ABCA12: variants seen among roughly 807,000 people sequenced by gnomAD.
ABCA12 encodes glucosylceramide transporter ABCA12.
In ABCA12, 156 loss-of-function variants were observed where a neutral mutation model predicts 293.5. The ratio of observed to expected loss-of-function variants is 0.53; its 90% confidence interval spans 0.47 to 0.61. The LOEUF (loss-of-function observed/expected upper bound fraction) is 0.61, where lower values mean the gene tolerates loss of function less well. Ranked by LOEUF, ABCA12 falls within the 20% of genes least tolerant of loss-of-function variation. ABCA12 has a pLI of 0.00. For synonymous variants in ABCA12, 1,063 were observed against 1,108.0 expected, an observed-to-expected ratio of 0.96 and a Z score of 0.81; for missense variants, 2,797 against 3,090.2, an observed-to-expected ratio of 0.91 and a Z score of 2.25.
At chr2:215,114,179 A>T (rs1269174641) in intron 1 of ABCA12, among the ~76,000 whole-genome samples, 5 of 152,084 alleles carry the variant, frequency 3.3e-5, no homozygotes, top group South Asian at 2.1e-4. Context: ...CTCACCATGT[A>T]GGCCAGGATG....
At chr2:215,081,815 A>T (rs1324637997) in intron 2 of ABCA12, among the ~76,000 whole-genome samples, 1 of 152,174 alleles carries the variant, frequency 6.6e-6, no homozygotes, top group Non-Finnish European at 1.5e-5. Flanking sequence ...CCTGGAAGAC[A>T]AGATTGACAA....
At chr2:215,041,957 G>C (rs10171715) in intron 7 of ABCA12, among the ~76,000 whole-genome samples, 1 of 152,090 alleles carries the variant, frequency 6.6e-6, no homozygotes, top group Admixed American at 6.5e-5. Context: ...TCTTGTATGG[G>C]AAGTATCTAA....
rs745634049 is a variant in ABCA12 at position 214,970,260 on chromosome 2, CAG to C, written c.5690+11_5690+12del. The C allele has an allele frequency of 1.3e-5, 21 of 1,609,564 alleles. No homozygotes were observed. The highest frequency in any genetic ancestry group is 1.7e-5 in the Non-Finnish European group (20 of 1,178,016). On this transcript the variant is annotated intron_variant, in intron 37 of 52. Coordinates refer to ENST00000272895, the MANE Select transcript of ABCA12 (RefSeq NM_173076.3). ...AGCAAGCAATTAAATATGTTATAAA[CAG>C]ATTATTTTACCTTTTTTGGACAAAC...
chr2:215,070,630 C>A (rs1035699277), intron 2 of ABCA12, among the ~76,000 whole-genome samples: 2 of 143,760 alleles, frequency 1.4e-5, no homozygotes, highest in Admixed American at 7.3e-5. Context: ...TGAGAACATG[C>A]GGTGTTTGTT....
At chr2:214,942,886 A>T (rs1698451695) in intron 50 of ABCA12, 39 bp downstream of exon 50, 1 of 1,524,220 alleles carries the variant, frequency 6.6e-7, no homozygotes, top group South Asian at 1.1e-5. Context: ...TAGATAGATG[A>T]CCCAACACTA....
At chr2:215,090,072 G>C (rs574183670) in intron 2 of ABCA12, among the ~76,000 whole-genome samples, 10 of 152,150 alleles carry the variant, frequency 6.6e-5, no homozygotes, top group Non-Finnish European at 1.5e-4. Flanking sequence ...CCTTCTCCTG[G>C]CTCAGAAGCT....
Position 214,978,895 on chromosome 2 carries a change from CCT to C in ABCA12, c.4884_4885del (p.Ala1630LeufsTer14). ...TGCCCGTAGGAGTGACAGGTAGGCC[CCT>C]GAGACTTTGGTGCTGAATGGAGGAA... On this transcript the variant is annotated frameshift_variant, in exon 32 of 53. Transcript: ENST00000272895. LOFTEE classifies it high-confidence loss of function. 6.2e-7 allele frequency: 1 copy of C among 1,613,976 alleles called. No homozygotes were observed. Among genetic ancestry groups the C allele is most frequent in the Non-Finnish European group, 8.5e-7 (1 of 1,179,976 alleles).
At position 214,959,905 on chromosome 2, in the gene ABCA12, G is replaced by C. The variant is rs535807772; in HGVS notation, c.5885-827C>G. On this transcript the variant is annotated intron_variant, in intron 39 of 52. Transcript: ENST00000272895. ...AGGGTAAAGTGTGTACTGTCTGAGC[G>C]ACTGTGGAAAAGAGTGGTAGGGGAT... is the stretch of plus-strand genomic sequence containing the variant. Among the ~76,000 whole-genome samples, 4 of 152,234 alleles carry C rather than the reference G, an allele frequency of 2.6e-5. No individual in the cohort carries two copies. The South Asian group carries it at 6.2e-4, about 24-fold the overall frequency.
intron 17 of ABCA12, 113 bp from the exon 18 acceptor site, chr2:215,010,583 C>T (rs1403135406): frequency 1.7e-6 from 2 of 1,186,764 alleles, no homozygotes; most frequent in East Asian, 2.6e-5. Context: ...TGCTCTAGTA[C>T]TTCCTATATT....
chr2:215,074,234 G>A (rs949004995), intron 2 of ABCA12, among the ~76,000 whole-genome samples: 22 of 152,128 alleles, frequency 1.4e-4, no homozygotes, highest in Non-Finnish European at 3.2e-4. Flanking sequence ...AGGAAGAAAC[G>A]TCTTACATAA....
intron 16 of ABCA12, 106 bp downstream of exon 16, chr2:215,011,865 G>GTTT (rs539808382): frequency 6.8e-4 from 699 of 1,033,380 alleles, no homozygotes; most frequent in African/African-American, 2.1e-3. Flanking sequence ...TGTAGGTGTT[G>GTTT]TTTTTTTTTT....
Position 214,982,179 on chromosome 2 carries a change from A to G in ABCA12, c.4579+8T>C, listed in dbSNP as rs780759385. 1.7e-5 allele frequency: 27 copies of G among 1,611,598 alleles called. No individual in the cohort carries two copies. Among genetic ancestry groups the G allele is most frequent in the South Asian group, 3.3e-5 (3 of 91,040 alleles). ...TTGGGTGGAGAAGTTCTGAGAAACT[A>G]CTCATACCAGTTTTGTTCTTGGATA... is the stretch of plus-strand genomic sequence containing the variant. On this transcript the variant is annotated splice_region_variant and intron_variant, in intron 30 of 52. Coordinates refer to ENST00000272895, the MANE Select transcript of ABCA12 (RefSeq NM_173076.3).
chr2:214,937,879 C>A (rs1698269695), intron 50 of ABCA12, among the ~76,000 whole-genome samples: 1 of 152,124 alleles, frequency 6.6e-6, no homozygotes, highest in South Asian at 2.1e-4. Flanking sequence ...AACATAAAAT[C>A]TTGGCTTTCT....
chr2:215,007,716 G>C lies in ABCA12; in HGVS notation c.2592+11C>G. On this transcript the variant is annotated intron_variant, in intron 19 of 52. Coordinates refer to ENST00000272895, the MANE Select transcript of ABCA12 (RefSeq NM_173076.3). Reference sequence around the variant, plus strand: ...ATTCCTACTAAGTTGAATGACAGAAGCATCTCATACCTGGAGCATTGGAAT... The same window carrying C: ...ATTCCTACTAAGTTGAATGACAGAACCATCTCATACCTGGAGCATTGGAAT... 1 of 1,613,864 alleles carries C rather than the reference G, an allele frequency of 6.2e-7. No individual in the cohort carries two copies. Among genetic ancestry groups the C allele is most frequent in the Non-Finnish European group, 8.5e-7 (1 of 1,179,860 alleles).
At chr2:215,061,333 G>A (rs1260586675) in intron 3 of ABCA12, among the ~76,000 whole-genome samples, 2 of 151,990 alleles carry the variant, frequency 1.3e-5, no homozygotes, top group South Asian at 2.1e-4. Flanking sequence ...AACACTTGGC[G>A]ACTGGCCAAC....
Position 215,073,329 on chromosome 2 carries a change from AT to A in ABCA12, c.164-9111del, listed in dbSNP as rs959379499. Among the ~76,000 whole-genome samples, 15 of 151,752 alleles carry A rather than the reference AT, an allele frequency of 9.9e-5. No homozygotes were observed. In the South Asian group the frequency reaches 1.0e-3, roughly 11 times the overall value. ...ATTTTTCCCCTCTAAATATACATTA[AT>A]TTTTTTTTAAATAGACCCCTAGAAT... On this transcript the variant is annotated intron_variant, in intron 2 of 52. Transcript: ENST00000272895.
At position 215,076,367 on chromosome 2, in the gene ABCA12, T is replaced by C. The variant is rs142566856; in HGVS notation, c.164-12148A>G. Reference sequence around the variant, plus strand: ...CACGTTGTACAGTTAAAATTTATCATTAAAAATATTTTAACATAGCAATTA... The same window carrying C: ...CACGTTGTACAGTTAAAATTTATCACTAAAAATATTTTAACATAGCAATTA... On this transcript the variant is annotated intron_variant, in intron 2 of 52. Transcript: ENST00000272895. Among the ~76,000 whole-genome samples, 1,399 of 152,342 alleles carry C rather than the reference T, an allele frequency of 9.2e-3. 13 individuals are homozygous for C. Among genetic ancestry groups the C allele is most frequent in the African/African-American group, 0.031 (1,298 of 41,572 alleles).
chr2:214,933,431 A>G (rs895425458), intron 52 of ABCA12, among the ~76,000 whole-genome samples: 3 of 152,166 alleles, frequency 2.0e-5, no homozygotes, highest in Non-Finnish European at 2.9e-5. Flanking sequence ...TTGTACATCA[A>G]ATGCAGCACC....
At chr2:214,973,478 A>G (rs1457911171) in intron 36 of ABCA12, among the ~76,000 whole-genome samples, 1 of 152,176 alleles carries the variant, frequency 6.6e-6, no homozygotes, top group Non-Finnish European at 1.5e-5. Context: ...TAAGTGATGA[A>G]TAATTTTTTT....
Sources: gnomAD v4.1 joint callset for allele counts (sites outside exome capture counted in the v4.1 genomes callset) on GRCh38, gnomAD v4.1.1 for gene constraint, MANE v1.5 for transcripts, NCBI Gene and HGNC (gene_info 2026-07-23, HGNC 2026-07-21) for gene names.